MMUT: variants seen among roughly 807,000 people sequenced by gnomAD.
MMUT encodes methylmalonyl-CoA mutase, mitochondrial.
MMUT carries 79 observed loss-of-function variants against 79.9 expected under a neutral mutation model. That is an observed-to-expected ratio of 0.99 (90% CI 0.82 to 1.19). The LOEUF is 1.19. Among genes scored for constraint, MMUT ranks in the 50% most tolerant of loss-of-function variants. The probability of loss-of-function intolerance (pLI) is 0.00; values close to 1 mark genes in which losing one functional copy is unlikely to be tolerated. For missense variants in MMUT, 860 were observed against 917.2 expected (o/e 0.94, Z 0.81); for synonymous variants, 273 against 295.7 (o/e 0.92, Z 0.79).
chr6:49,445,172 TAA>T (rs1351059735), intron 8 of MMUT, among the ~76,000 whole-genome samples: 5 of 152,156 alleles, frequency 3.3e-5, no homozygotes, highest in African/African-American at 9.7e-5. Context: ...AGTTATATTT[TAA>T]GTTTCCTTTA....
At chr6:49,447,816 A>T in intron 7 of MMUT, 31 bp from the exon 8 acceptor site, 1 of 1,167,696 alleles carries the variant, frequency 8.6e-7, no homozygotes, top group Non-Finnish European at 1.3e-6. Flanking sequence ...AATTTTATTC[A>T]CAAATAATTA....
chr6:49,431,686 T>C lies in MMUT; in HGVS notation c.*42A>G, dbSNP rs1318121953. Reference sequence around the variant, plus strand: ...CTTTACTCTCTTCTTTGATCATAACTAAAATAATATTTTAGACAAAAGCTA... The same window carrying C: ...CTTTACTCTCTTCTTTGATCATAACCAAAATAATATTTTAGACAAAAGCTA... On this transcript the variant is annotated 3_prime_UTR_variant, in exon 13 of 13. Coordinates refer to ENST00000274813, the MANE Select transcript of MMUT (RefSeq NM_000255.4). The C allele has an allele frequency of 6.3e-7, 1 of 1,587,008 alleles. No homozygotes were observed. Among genetic ancestry groups the C allele is most frequent in the Middle Eastern group, 1.7e-4 (1 of 5,990 alleles).
At position 49,453,776 on chromosome 6, in the gene MMUT, T is replaced by A. The variant is rs761684323; in HGVS notation, c.912-20A>T. 1.5e-5 allele frequency: 24 copies of A among 1,598,890 alleles called. No homozygotes were observed. The highest frequency in any genetic ancestry group is 2.0e-5 in the Non-Finnish European group (23 of 1,167,172). On this transcript the variant is annotated intron_variant, in intron 4 of 12. Transcript: ENST00000274813. The stretch of plus-strand genomic sequence containing the variant: ...GACAACCTAAAATAGTAACGTTAGG[T>A]CCAGAATTTAATTAAAGTTAACAAT...
rs8589 is a variant in MMUT at position 49,435,569 on chromosome 6, T to C, written c.2011A>G (p.Ile671Val). The change falls in exon 12 of 13, where the codon ATA (isoleucine) becomes GTA (valine). Residue 671 changes from isoleucine to valine, a missense_variant. Transcript: ENST00000274813. ...AVDADVHAVG[I>V]STLAAGHKTL... ...TTATGACCAGCAGCGAGGGTGCTTATGCCCACAGCATGCACATCCGCATCC... is the reference window on the plus strand; with the variant it reads ...TTATGACCAGCAGCGAGGGTGCTTACGCCCACAGCATGCACATCCGCATCC... 0.61 allele frequency: 978,378 copies of C among 1,613,526 alleles called. 300,357 individuals are homozygous for C. The highest frequency in any genetic ancestry group is 0.64 in the South Asian group (58,418 of 91,048).
At chr6:49,435,938 C>CA (rs757332215) in intron 11 of MMUT, among the ~76,000 whole-genome samples, 156 of 151,968 alleles carry the variant, frequency 1.0e-3, no homozygotes, top group Non-Finnish European at 1.8e-3. Flanking sequence ...AACAAATTTA[C>CA]AAAAAAACAT....
At chr6:49,432,814 G>C (rs1187148391) in intron 12 of MMUT, among the ~76,000 whole-genome samples, 1 of 152,170 alleles carries the variant, frequency 6.6e-6, no homozygotes, top group Non-Finnish European at 1.5e-5. Context: ...GTTAGGATGT[G>C]CTACAAGAAC....
intron 1 of MMUT, among the ~76,000 whole-genome samples, chr6:49,460,256 C>T (rs1767806494): frequency 6.6e-6 from 1 of 152,028 alleles, no homozygotes; most frequent in Non-Finnish European, 1.5e-5. Flanking sequence ...TTTACAATAC[C>T]CCTAAGAGGT....
At position 49,457,980 on chromosome 6, in the gene MMUT, C is replaced by A; in HGVS notation, c.464G>T (p.Gly155Val). ...AGCAACTCCAGCCATTCCAACATCA[C>A]CACGAACTCGAGGGTTGTCTGAATC... Reference protein sequence around the residue: ...GYDSDNPRVRGDVGMAGVAID... With the variant: ...GYDSDNPRVRVDVGMAGVAID... The change falls in exon 3 of 13, where the codon GGT (glycine) becomes GTT (valine). Residue 155 changes from glycine to valine, a missense_variant. Gly to Val is a moderately radical substitution (Grantham distance 109). Transcript: ENST00000274813. The A allele has an allele frequency of 1.2e-6, 2 of 1,608,452 alleles. No homozygotes were observed. The highest frequency in any genetic ancestry group is 1.7e-6 in the Non-Finnish European group (2 of 1,179,948).
chr6:49,432,304 T>G (rs527967175), intron 12 of MMUT, among the ~76,000 whole-genome samples: 25 of 151,372 alleles, frequency 1.7e-4, no homozygotes, highest in African/African-American at 6.1e-4. Context: ...GGACAACTGA[T>G]AGATTTTCTA....
intron 5 of MMUT, 142 bp downstream of exon 5, chr6:49,453,441 GTA>G: frequency 2.9e-6 from 1 of 342,930 alleles, no homozygotes; most frequent in East Asian, 5.1e-5. Flanking sequence ...ACAAACCTAA[GTA>G]TACATTATGC....
At chr6:49,447,567 T>C in intron 8 of MMUT, 103 bp downstream of exon 8, 2 of 695,624 alleles carry the variant, frequency 2.9e-6, no homozygotes, top group Admixed American at 2.4e-5. Context: ...ACACACCTCA[T>C]GCTGTTGTAA....
chr6:49,435,493 T>G lies in MMUT; in HGVS notation c.2087A>C (p.Asp696Ala), dbSNP rs759407117. 1.3e-5 allele frequency: 21 copies of G among 1,613,952 alleles called. No homozygotes were observed. The African/African-American group carries it at 2.1e-4, about 16-fold the overall frequency. ...IKELNSLGRP[D>A]ILVMCGGVIP... ...CACCCCTCCACACATGACAAGAATA[T>G]CTGGCCGTCCAAGGGAGTTAAGTTC... is the stretch of plus-strand genomic sequence containing the variant. The change falls in exon 12 of 13, where the codon GAT becomes GCT. Residue 696 changes from aspartate to alanine, a missense_variant. Transcript: ENST00000274813.
At chr6:49,443,869 C>T in intron 9 of MMUT, 2 of 391,786 alleles carry the variant, frequency 5.1e-6, no homozygotes, top group Non-Finnish European at 5.1e-6. Context: ...TTTTTAAATG[C>T]AGGATGACAA....
intron 9 of MMUT, chr6:49,443,771 C>G (rs1178396278): frequency 2.3e-6 from 1 of 441,874 alleles, no homozygotes; most frequent in Admixed American, 2.4e-5. Flanking sequence ...GTAGTAAGTA[C>G]AAAAAACTTT....
At chr6:49,444,877 G>A in intron 8 of MMUT, 123 bp from the exon 9 acceptor site, 1 of 662,528 alleles carries the variant, frequency 1.5e-6, no homozygotes, top group Non-Finnish European at 2.6e-6. Flanking sequence ...CCAAATTTAA[G>A]AGGAAAAAAT....
Position 49,444,701 on chromosome 6 carries a change from G to C in MMUT, c.1614C>G (p.Thr538=), listed in dbSNP as rs766999822. ...TTCCATCTCCGCTAGCAGCACATTC[G>C]GTTAGTGCAGCAAGACAACGTTCAG... The part of the protein sequence containing the change: ...ALAERCLAAL[T]ECAASGDGNI... Residue 538 remains threonine (T), a synonymous_variant, in exon 9 of 13, where the codon ACC becomes ACG. Coordinates refer to ENST00000274813, the MANE Select transcript of MMUT (RefSeq NM_000255.4). The C allele has an allele frequency of 1.2e-6, 2 of 1,613,264 alleles. No homozygotes were observed. Among genetic ancestry groups the C allele is most frequent in the Non-Finnish European group, 1.7e-6 (2 of 1,179,546 alleles).
rs1236792380 is a variant in MMUT, at chr6:49,441,929, A to G, written c.1719T>C (p.Phe573=). 1 of 1,612,054 alleles carries G rather than the reference A, an allele frequency of 6.2e-7. No individual in the cohort carries two copies. Among genetic ancestry groups the G allele is most frequent in the South Asian group, 1.1e-5 (1 of 91,046 alleles). Reference sequence around the variant, plus strand: ...TTCGATCATTCGCTTTATGTTCACCAAATACCTTTTTCAGGGCATCTGTGA... The same window carrying G: ...TTCGATCATTCGCTTTATGTTCACCGAATACCTTTTTCAGGGCATCTGTGA... The part of the protein sequence containing the change: ...GEITDALKKV[F]GEHKANDRMV... The change falls in exon 10 of 13, where the codon TTT becomes TTC. Residue 573 remains phenylalanine, a synonymous_variant. Transcript: ENST00000274813.
At chr6:49,461,425 C>A (rs929743050) in intron 1 of MMUT, among the ~76,000 whole-genome samples, 1 of 152,132 alleles carries the variant, frequency 6.6e-6, no homozygotes, top group Non-Finnish European at 1.5e-5. Context: ...ATTGTAAGTG[C>A]AACAGGTTCA....
intron 12 of MMUT, 66 bp from the exon 13 acceptor site, chr6:49,431,922 T>A: frequency 1.9e-6 from 3 of 1,555,098 alleles, no homozygotes; most frequent in Non-Finnish European, 2.7e-6. Flanking sequence ...TAAAACCCTA[T>A]CCTTTCTTCT....
Sources: allele counts gnomAD v4.1 joint callset (sites outside exome capture counted in the v4.1 genomes callset), GRCh38; gene constraint gnomAD v4.1.1; transcripts MANE v1.5; gene names NCBI Gene and HGNC (gene_info 2026-07-23, HGNC 2026-07-21).